Variants in MSI2 observed in about 807,000 individuals in gnomAD.
MSI2 encodes the protein RNA-binding protein Musashi homolog 2.
A neutral mutation model predicts 45.6 loss-of-function variants in MSI2; 17 were observed. That is an observed-to-expected ratio of 0.37 (90% CI 0.26 to 0.56). The LOEUF is 0.56. Among genes scored for constraint, MSI2 ranks in the 20% least tolerant of loss-of-function variants. The pLI, the probability that MSI2 is intolerant of heterozygous loss-of-function variation, is 0.77. For synonymous variants in MSI2, 156 were observed against 158.2 expected (o/e 0.99, Z 0.11); for missense variants, 293 against 444.2 (o/e 0.66, Z 3.06).
rs1420420871 is a variant in MSI2 at position 57,280,901 on chromosome 17, T to C, written c.312+18709T>C. Among the ~76,000 whole-genome samples, 4 of 152,134 alleles carry C rather than the reference T, an allele frequency of 2.6e-5. No individual in the cohort carries two copies. Among genetic ancestry groups the C allele is most frequent in the Non-Finnish European group, 5.9e-5 (4 of 68,026 alleles). On this transcript the variant is annotated intron_variant, in intron 5 of 13. Coordinates refer to ENST00000284073, the MANE Select transcript of MSI2 (RefSeq NM_138962.4). This position sits in a 1 kb window ranked among gnomAD's most constrained non-coding sequence, Gnocchi z 4.2. ...CACTGCTTTTGGCCATGGGGAGCACTTAATGAGTTTTAGGGTGGGGGTGGC... is the reference window on the plus strand; with the variant it reads ...CACTGCTTTTGGCCATGGGGAGCACCTAATGAGTTTTAGGGTGGGGGTGGC...
At chr17:57,397,511 A>C (rs1342214837) in intron 5 of MSI2, among the ~76,000 whole-genome samples, 2 of 152,230 alleles carry the variant, frequency 1.3e-5, no homozygotes, top group Non-Finnish European at 1.5e-5. Context: ...AGTCCCACTG[A>C]AAGTCAGGAC....
intron 5 of MSI2, among the ~76,000 whole-genome samples, chr17:57,328,682 G>A (rs907575736): frequency 6.6e-6 from 1 of 151,372 alleles, no homozygotes; most frequent in Non-Finnish European, 1.5e-5. Context: ...TTGGACAGCT[G>A]TGTGGCTCAG....
intron 6 of MSI2, among the ~76,000 whole-genome samples, chr17:57,447,919 G>A (rs903643069): frequency 6.6e-6 from 1 of 152,210 alleles, no homozygotes; most frequent in Non-Finnish European, 1.5e-5. Flanking sequence ...GATATCTGTG[G>A]AAGCCTCAGA....
intron 6 of MSI2, among the ~76,000 whole-genome samples, chr17:57,419,919 G>T (rs750083640): frequency 5.3e-5 from 8 of 152,222 alleles, no homozygotes; most frequent in Non-Finnish European, 1.2e-4. Context: ...ACAGTTGTCG[G>T]TGTTGGTGTC....
chr17:57,271,343 G>T (rs1277920789), intron 5 of MSI2, among the ~76,000 whole-genome samples: 2 of 152,114 alleles, frequency 1.3e-5, no homozygotes, highest in Non-Finnish European at 2.9e-5. Context: ...GGTTTTGTGT[G>T]CAAGGACCTT....
intron 5 of MSI2, among the ~76,000 whole-genome samples, chr17:57,363,589 A>G (rs1434669232): frequency 2.0e-5 from 3 of 152,164 alleles, no homozygotes; most frequent in East Asian, 3.8e-4. Context: ...AAGTAAAGAA[A>G]TTAGCTGGGT....
the MSI2 span, among the ~76,000 whole-genome samples, chr17:57,693,126 T>C: frequency 6.6e-6 from 1 of 152,142 alleles, no homozygotes; most frequent in Non-Finnish European, 1.5e-5. Flanking sequence ...GGTACTCTTT[T>C]TTTAACTCTT....
intron 6 of MSI2, among the ~76,000 whole-genome samples, chr17:57,424,991 T>TG (rs1451360870): frequency 1.3e-5 from 2 of 152,096 alleles, no homozygotes; most frequent in Non-Finnish European, 2.9e-5. Context: ...ATTTCCTTCC[T>TG]GGGGCAGGGT....
intron 7 of MSI2, among the ~76,000 whole-genome samples, chr17:57,579,529 C>A (rs894587976): frequency 6.6e-6 from 1 of 152,208 alleles, no homozygotes; most frequent in African/African-American, 2.4e-5. Flanking sequence ...CATCTGAGGA[C>A]CCCTCTCCCC....
At chr17:57,267,751 T>TA (rs1473040813) in intron 5 of MSI2, 1 of 152,042 alleles carries the variant, frequency 6.6e-6, no homozygotes, top group Non-Finnish European at 1.5e-5. Flanking sequence ...ATTCAGGAAA[T>TA]ACTCGGTGCT....
chr17:57,470,690 G>A (rs2586225), intron 6 of MSI2, among the ~76,000 whole-genome samples: 117,656 of 152,162 alleles, frequency 0.77, 46,005 homozygotes, highest in East Asian at 0.91. Context: ...CATCAGCCTT[G>A]CTGTCCACAG....
chr17:57,285,222 C>T (rs919332702), intron 5 of MSI2, among the ~76,000 whole-genome samples: 1 of 152,138 alleles, frequency 6.6e-6, no homozygotes, highest in Admixed American at 6.5e-5. Flanking sequence ...TCAGAGTAGC[C>T]GGAGTTTCAG....
chr17:57,648,327 TCA>T (rs1214625811), intron 10 of MSI2, among the ~76,000 whole-genome samples: 2 of 152,168 alleles, frequency 1.3e-5, no homozygotes, highest in Non-Finnish European at 2.9e-5. Context: ...TTAAGCTAAC[TCA>T]CTGCCAGGCA....
At chr17:57,641,472 A>G (rs1205667078) in intron 10 of MSI2, among the ~76,000 whole-genome samples, 1 of 152,168 alleles carries the variant, frequency 6.6e-6, no homozygotes, top group Non-Finnish European at 1.5e-5. Flanking sequence ...GGGCTCAGCA[A>G]GAGACCCTGT....
chr17:57,594,222 C>T (rs185034819), intron 7 of MSI2, among the ~76,000 whole-genome samples: 1 of 152,350 alleles, frequency 6.6e-6, no homozygotes, highest in African/African-American at 2.4e-5. Context: ...CCGCGGCCTC[C>T]GCAGTGCCAC....
intron 5 of MSI2, among the ~76,000 whole-genome samples, chr17:57,285,075 GT>G (rs1171580066): frequency 6.6e-6 from 1 of 151,990 alleles, no homozygotes; most frequent in Non-Finnish European, 1.5e-5. Flanking sequence ...TTTCTTAGAA[GT>G]TTCTTCTTTT....
chr17:57,338,787 A>G (rs890449562), intron 5 of MSI2, among the ~76,000 whole-genome samples: 1 of 152,226 alleles, frequency 6.6e-6, no homozygotes, highest in African/African-American at 2.4e-5. Context: ...TGGCATGAGC[A>G]GCTCACGCAG....
chr17:57,654,950 T>C (rs925726357), intron 11 of MSI2, among the ~76,000 whole-genome samples: 4 of 147,218 alleles, frequency 2.7e-5, no homozygotes, highest in South Asian at 2.2e-4. Flanking sequence ...TTATGACTTA[T>C]AGGGGAAGCT....
intron 11 of MSI2, among the ~76,000 whole-genome samples, chr17:57,673,190 G>C (rs1486225033): frequency 6.6e-6 from 1 of 152,212 alleles, no homozygotes; most frequent in Non-Finnish European, 1.5e-5. Context: ...CTGCTAGTGT[G>C]CCTTGGGTGC....
Sources: allele counts gnomAD v4.1 joint callset (sites outside exome capture counted in the v4.1 genomes callset), GRCh38; gene constraint gnomAD v4.1.1; non-coding constraint Gnocchi (gnomAD v3.1); transcripts MANE v1.5; gene names NCBI Gene and HGNC (gene_info 2026-07-23, HGNC 2026-07-21).